The following RNASEH1 variants were observed in gnomAD, a reference collection of about 807,000 sequenced individuals.
RNASEH1 encodes ribonuclease H type II.
In RNASEH1, 27 loss-of-function variants were observed where a neutral mutation model predicts 34.6. The observed-to-expected ratio is 0.78, with a 90% CI of 0.58 to 1.08. The LOEUF (loss-of-function observed/expected upper bound fraction) is 1.08, where lower values mean the gene tolerates loss of function less well. Ranked by LOEUF, RNASEH1 falls within the 50% of genes least tolerant of loss-of-function variation. The pLI, the probability that RNASEH1 is intolerant of heterozygous loss-of-function variation, is 0.00. For synonymous variants in RNASEH1, 162 were observed against 138.4 expected (o/e 1.17, Z -1.20); for missense variants, 349 against 373.6 (o/e 0.93, Z 0.54).
At chr2:3,534,568 G>A in the RNASEH1 span, among the ~76,000 whole-genome samples, 1 of 152,264 alleles carries the variant, frequency 6.6e-6, no homozygotes, top group Non-Finnish European at 1.5e-5. Context: ...AGACACCGGT[G>A]CCCAAGGCAG....
chr2:3,537,725 G>GA (rs879502325), downstream of RNASEH1, among the ~76,000 whole-genome samples: 93 of 141,228 alleles, frequency 6.6e-4, no homozygotes, highest in Admixed American at 7.8e-4. Context: ...TGTCTCAAAA[G>GA]AAAAAAAAAA....
chr2:3,552,618 CCCCCTCCACAGCATCTCAAT>C (rs1389949358), intron 2 of RNASEH1, among the ~76,000 whole-genome samples: 1 of 145,072 alleles, frequency 6.9e-6, no homozygotes, highest in African/African-American at 2.5e-5. Flanking sequence ...ACCACCTCCA[CCCCCTCCACAGCATCTCAAT>C]CCCCTCCACA....
chr2:3,550,993 C>G (rs1212424963), intron 3 of RNASEH1, among the ~76,000 whole-genome samples: 1 of 152,226 alleles, frequency 6.6e-6, no homozygotes, highest in Admixed American at 6.5e-5. Context: ...GATTGACACA[C>G]AAAGGCTGTA....
intron 4 of RNASEH1, chr2:3,550,142 T>TAAAAAAAAAAA: frequency 1.7e-5 from 4 of 240,752 alleles, no homozygotes; most frequent in South Asian, 6.1e-5. Context: ...GACCGTGTCT[T>TAAAAAAAAAAA]AAAAAAAAAA....
intron 6 of RNASEH1, 33 bp downstream of exon 6, chr2:3,548,607 G>GA: frequency 6.9e-7 from 1 of 1,444,776 alleles, no homozygotes; most frequent in Non-Finnish European, 9.7e-7. Context: ...ACAGTTACTG[G>GA]AAAAACAGAA....
At chr2:3,553,402 T>A (rs1048346998) in intron 2 of RNASEH1, among the ~76,000 whole-genome samples, 4 of 151,840 alleles carry the variant, frequency 2.6e-5, no homozygotes, top group African/African-American at 7.3e-5. Flanking sequence ...AAATAGTTTT[T>A]TTTTTTTGAG....
At chr2:3,557,445 TA>T (rs1705956925) in intron 1 of RNASEH1, among the ~76,000 whole-genome samples, 1 of 152,244 alleles carries the variant, frequency 6.6e-6, no homozygotes, top group African/African-American at 2.4e-5. Context: ...AAAAAAATAT[TA>T]ACCATTTCTT....
Position 3,555,541 on chromosome 2 carries a change from A to C in RNASEH1, c.244+1248T>G, listed in dbSNP as rs553955020. On this transcript the variant is annotated intron_variant, in intron 2 of 7. Transcript: ENST00000315212. ...CTGGACACAACCTGCCTCGCTCTGA[A>C]TTGTGCTTTGTCCAGGATTGTTACG... 2.0e-5 allele frequency among the ~76,000 whole-genome samples: 3 copies of C among 152,286 alleles called. No homozygotes were observed. The South Asian group carries it at 6.2e-4, about 32-fold the overall frequency.
Position 3,552,203 on chromosome 2 carries a change from T to C in RNASEH1, c.350A>G (p.His117Arg), listed in dbSNP as rs1395841118. ...CGCCGGCTCCACGCTCGGCTTCATG[T>C]GCTTTGCATACGGCTCTGCGCTTTC... is the stretch of plus-strand genomic sequence containing the variant. ...GHESAEPYAK[H>R]MKPSVEPAPP... The change falls in exon 3 of 8, where the codon CAC (histidine) becomes CGC (arginine). Residue 117 changes from histidine to arginine, a missense_variant. His to Arg is a conservative substitution (Grantham distance 29, BLOSUM62 0). Around this residue, in one of 2 missense-constraint regions of RNASEH1, gnomAD observed 256 missense variants for 240.7 expected, o/e 1.06. Coordinates refer to ENST00000315212, the MANE Select transcript of RNASEH1 (RefSeq NM_002936.6). The C allele has an allele frequency of 6.2e-7, 1 of 1,613,150 alleles. No homozygotes were observed. The highest frequency in any genetic ancestry group is 8.5e-7 in the Non-Finnish European group (1 of 1,179,964).
At chr2:3,546,719 C>T (rs866073641) in intron 7 of RNASEH1, among the ~76,000 whole-genome samples, 6 of 152,228 alleles carry the variant, frequency 3.9e-5, no homozygotes, top group South Asian at 2.1e-4. Flanking sequence ...TGCAGCGAGC[C>T]GAGATTGCGC....
chr2:3,558,310 CG>C lies in RNASEH1; in HGVS notation c.-51del. The C allele has an allele frequency of 6.8e-7, 1 of 1,473,792 alleles. No homozygotes were observed. The highest frequency in any genetic ancestry group is 1.4e-5 in the South Asian group (1 of 73,030). The allele number at this position is 1,473,792 out of a possible 1,614,324, so 91.3% of individuals were successfully genotyped here. On this transcript the variant is annotated 5_prime_UTR_variant, in exon 1 of 8. Transcript: ENST00000315212. ...ATTTCGACTCCCGGCCCAGCGTGGG[CG>C]CGAGCCGCCGGCGCTCAACACCGCA... is the stretch of plus-strand genomic sequence containing the variant.
At chr2:3,547,798 G>C in intron 7 of RNASEH1, 133 bp downstream of exon 7, 1 of 941,372 alleles carries the variant, frequency 1.1e-6, no homozygotes, top group Non-Finnish European at 1.6e-6. Flanking sequence ...CAAATACGTT[G>C]TAATATACAT....
downstream of RNASEH1, among the ~76,000 whole-genome samples, chr2:3,537,743 A>G (rs1668058864): frequency 6.6e-6 from 1 of 152,070 alleles, no homozygotes; most frequent in African/African-American, 2.4e-5. Context: ...AAAAGATGAA[A>G]GAAAATCTTT....
chr2:3,556,755 G>C lies in RNASEH1; in HGVS notation c.244+34C>G, dbSNP rs761744102. 4 of 1,455,450 alleles carry C rather than the reference G, an allele frequency of 2.7e-6. No homozygotes were observed. The African/African-American group carries it at 5.6e-5, about 20-fold the overall frequency. 90.2% of individuals were successfully genotyped at this position (1,455,450 alleles called of 1,614,324 possible). ...CTGGCATATGAAAGCCTTTGAATAG[G>C]TTAAAATGTCACACTGATATGAGAG... is the stretch of plus-strand genomic sequence containing the variant. On this transcript the variant is annotated intron_variant, in intron 2 of 7. Coordinates refer to ENST00000315212, the MANE Select transcript of RNASEH1 (RefSeq NM_002936.6).
chr2:3,542,657 A>T lies in RNASEH1; in HGVS notation c.*3128T>A, dbSNP rs1023175274. ...TCACAATTAATGCTATGGTATTAGT[A>T]TTTTTTTTAAATGCTAAATGCTAAA... On this transcript the variant is annotated 3_prime_UTR_variant, in exon 8 of 8. Transcript: ENST00000315212. Among the ~76,000 whole-genome samples the T allele has an allele frequency of 6.6e-6, 1 of 152,018 alleles. No individual in the cohort carries two copies. The highest frequency in any genetic ancestry group is 2.4e-5 in the African/African-American group (1 of 41,408).
chr2:3,551,708 A>G (rs987530104), intron 3 of RNASEH1, among the ~76,000 whole-genome samples: 4 of 152,248 alleles, frequency 2.6e-5, no homozygotes, highest in Non-Finnish European at 5.9e-5. Context: ...AGTGAAAGGT[A>G]GCAGAAAAGT....
rs1452745505 is a variant in RNASEH1 at position 3,548,846 on chromosome 2, A to C, written c.565-122T>G. 1.1e-5 allele frequency: 8 copies of C among 749,244 alleles called. No individual in the cohort carries two copies. The Middle Eastern group carries it at 1.4e-3, about 135-fold the overall frequency. 46.4% of individuals were successfully genotyped at this position (749,244 alleles called of 1,614,324 possible). On this transcript the variant is annotated intron_variant, in intron 5 of 7. Transcript: ENST00000315212. ...ACTGATTATATTCTCTGTATGAAAC[A>C]CTACTATACATACAATTCTCCTGTG...
chr2:3,545,936 T>G, intron 7 of RNASEH1, 65 bp from the exon 8 acceptor site: 4 of 1,188,300 alleles, frequency 3.4e-6, no homozygotes, highest in Non-Finnish European at 5.0e-6. Flanking sequence ...ATGACTATAT[T>G]GTCATCATAA....
chr2:3,538,612 A>C (rs1668118438), downstream of RNASEH1, among the ~76,000 whole-genome samples: 1 of 152,090 alleles, frequency 6.6e-6, no homozygotes, highest in Non-Finnish European at 1.5e-5. Context: ...GTGGGTACTT[A>C]TGGGGTCTGT....
Sources: gnomAD v4.1 joint callset for allele counts (sites outside exome capture counted in the v4.1 genomes callset) on GRCh38, gnomAD v4.1.1 for gene constraint, gnomAD v4.1.1 regional missense constraint, MANE v1.5 for transcripts, NCBI Gene and HGNC (gene_info 2026-07-23, HGNC 2026-07-21) for gene names.